Variants in SQOR observed in about 807,000 individuals in gnomAD.
SQOR encodes the protein sulfide:quinone oxidoreductase, mitochondrial.
In SQOR, 39 loss-of-function variants were observed where a neutral mutation model predicts 48.6. That is an observed-to-expected ratio of 0.80 (90% CI 0.62 to 1.05). The LOEUF (loss-of-function observed/expected upper bound fraction) is 1.05. Among genes scored for constraint, SQOR ranks in the 50% least tolerant of loss-of-function variants. SQOR has a pLI of 0.00. For missense variants in SQOR, 561 were observed against 559.9 expected, an observed-to-expected ratio of 1.00 and a Z score of -0.02; for synonymous variants, 220 against 206.2, an observed-to-expected ratio of 1.07 and a Z score of -0.57.
At chr15:45,671,674 G>C (rs1889946702) in intron 4 of SQOR, among the ~76,000 whole-genome samples, 1 of 152,206 alleles carries the variant, frequency 6.6e-6, no homozygotes, top group African/African-American at 2.4e-5. Context: ...GAACACTAGG[G>C]CAAGGATGTA....
At chr15:45,687,008 A>G (rs1350881605) in intron 7 of SQOR, among the ~76,000 whole-genome samples, 4 of 152,002 alleles carry the variant, frequency 2.6e-5, no homozygotes, top group Non-Finnish European at 5.9e-5. Flanking sequence ...AGGTTTCACC[A>G]TGTTGGCCAG....
chr15:45,688,434 CAAT>C (rs1566924869), intron 8 of SQOR, 30 bp downstream of exon 8: 1 of 1,465,886 alleles, frequency 6.8e-7, no homozygotes, highest in Non-Finnish European at 9.4e-7. Context: ...ATCACTGTCT[CAAT>C]GATCATCTTC....
intron 1 of SQOR, among the ~76,000 whole-genome samples, chr15:45,647,916 T>C (rs1889375084): frequency 6.6e-6 from 1 of 152,096 alleles, no homozygotes; most frequent in Non-Finnish European, 1.5e-5. Flanking sequence ...AGAGCAAGAC[T>C]GTCTCAAAAA....
chr15:45,658,820 C>T (rs144877726), intron 1 of SQOR, 87 bp from the exon 2 acceptor site: 38 of 1,082,894 alleles, frequency 3.5e-5, no homozygotes, highest in Middle Eastern at 3.2e-4. Context: ...GGCCAGATGC[C>T]GGCCTCCCTT....
chr15:45,651,378 G>A (rs1039576374), intron 1 of SQOR, among the ~76,000 whole-genome samples: 24 of 152,226 alleles, frequency 1.6e-4, no homozygotes, highest in Non-Finnish European at 3.1e-4. Context: ...GTTCCCGCCC[G>A]CGCCTCTCCC....
At chr15:45,661,639 A>T (rs1419902844) in intron 2 of SQOR, among the ~76,000 whole-genome samples, 1 of 152,248 alleles carries the variant, frequency 6.6e-6, no homozygotes, top group Admixed American at 6.5e-5. Flanking sequence ...ATATGTGTGT[A>T]GATATGCACG....
chr15:45,659,882 A>T (rs1171915100), intron 2 of SQOR, among the ~76,000 whole-genome samples: 1 of 152,118 alleles, frequency 6.6e-6, no homozygotes, highest in Non-Finnish European at 1.5e-5. Flanking sequence ...CCCAGTGCCA[A>T]CCTCCTGCCC....
Position 45,663,539 on chromosome 15 carries a change from G to A in SQOR, c.405+1414G>A, listed in dbSNP as rs577678404. Reference sequence around the variant, plus strand: ...CCAACACCTTGGGAGGCTGAGGTAGGAAGATCACTTGAGCCCATGAGGTCA... The same window carrying A: ...CCAACACCTTGGGAGGCTGAGGTAGAAAGATCACTTGAGCCCATGAGGTCA... On this transcript the variant is annotated intron_variant, in intron 3 of 9. Transcript: ENST00000260324. Among the ~76,000 whole-genome samples the A allele has an allele frequency of 1.6e-4, 24 of 152,190 alleles. No individual in the cohort carries two copies. The South Asian group carries it at 1.9e-3, about 12-fold the overall frequency.
intron 3 of SQOR, among the ~76,000 whole-genome samples, chr15:45,664,868 C>G (rs1889786070): frequency 6.6e-6 from 1 of 152,048 alleles, no homozygotes; most frequent in Non-Finnish European, 1.5e-5. Context: ...GGCTTTTGTC[C>G]TGTTACTAGT....
chr15:45,688,007 A>G (rs1890252561), intron 7 of SQOR, among the ~76,000 whole-genome samples: 1 of 152,206 alleles, frequency 6.6e-6, no homozygotes, highest in Non-Finnish European at 1.5e-5. Flanking sequence ...ATGGTCAAGA[A>G]CACTGACTAA....
upstream of SQOR, among the ~76,000 whole-genome samples, chr15:45,634,503 C>A (rs1894960218): frequency 1.3e-5 from 2 of 152,004 alleles, no homozygotes; most frequent in African/African-American, 4.8e-5. Flanking sequence ...GCCAGCTTAC[C>A]CCTGCCTGCG....
At chr15:45,680,083 T>C (rs1471512682) in intron 6 of SQOR, among the ~76,000 whole-genome samples, 1 of 152,134 alleles carries the variant, frequency 6.6e-6, no homozygotes, top group Non-Finnish European at 1.5e-5. Context: ...TTGTTTGTTT[T>C]TTTCTTTCTT....
chr15:45,672,685 A>T (rs922342305), intron 4 of SQOR, among the ~76,000 whole-genome samples: 5 of 152,192 alleles, frequency 3.3e-5, no homozygotes, highest in African/African-American at 9.7e-5. Context: ...AGTCTGTGAC[A>T]TCTTCATTGC....
chr15:45,657,200 G>T (rs1445385535), intron 1 of SQOR, among the ~76,000 whole-genome samples: 2 of 151,606 alleles, frequency 1.3e-5, no homozygotes, highest in Non-Finnish European at 2.9e-5. Flanking sequence ...TTTGATATTT[G>T]CATTGCTCTC....
intron 2 of SQOR, among the ~76,000 whole-genome samples, chr15:45,661,290 T>TAAAAAAAA (rs34286267): frequency 3.0e-5 from 2 of 67,530 alleles, no homozygotes; most frequent in Non-Finnish European, 5.5e-5. Flanking sequence ...GACTCTGTCT[T>TAAAAAAAA]AAAAAAAAAA....
rs528695392 is a variant in SQOR at position 45,642,321 on chromosome 15, T to A, written c.-18+7213T>A. Among the ~76,000 whole-genome samples the A allele has an allele frequency of 3.0e-3, 462 of 152,292 alleles. 5 individuals are homozygous for A. Among genetic ancestry groups the A allele is most frequent in the Non-Finnish European group, 4.0e-3 (272 of 68,018 alleles). ...CCTTGTGCATGGTGGAGAAGACCAATGACTGCTCAGCTCCAGCCAAGAGTT... is the reference window on the plus strand; with the variant it reads ...CCTTGTGCATGGTGGAGAAGACCAAAGACTGCTCAGCTCCAGCCAAGAGTT... On this transcript the variant is annotated intron_variant, in intron 1 of 9. Coordinates refer to ENST00000260324, the MANE Select transcript of SQOR (RefSeq NM_021199.4).
chr15:45,672,082 A>G (rs1445880357), intron 4 of SQOR, among the ~76,000 whole-genome samples: 1 of 152,214 alleles, frequency 6.6e-6, no homozygotes, highest in Non-Finnish European at 1.5e-5. Flanking sequence ...CAGCTTCTTA[A>G]AACTAGAGAA....
intron 1 of SQOR, among the ~76,000 whole-genome samples, chr15:45,655,513 TTGAG>T (rs1426114753): frequency 1.3e-5 from 2 of 152,186 alleles, no homozygotes; most frequent in Non-Finnish European, 2.9e-5. Context: ...AAAAATCTAT[TTGAG>T]TAATTTTTAA....
upstream of SQOR, among the ~76,000 whole-genome samples, chr15:45,634,485 G>T (rs8040706): frequency 0.12 from 18,718 of 151,890 alleles, 1,368 homozygotes; most frequent in Admixed American, 0.21. Flanking sequence ...GGAGGCCAGT[G>T]GCTGGAAGCC....
Sources: allele counts gnomAD v4.1 joint callset (sites outside exome capture counted in the v4.1 genomes callset), GRCh38; gene constraint gnomAD v4.1.1; transcripts MANE v1.5; gene names NCBI Gene and HGNC (gene_info 2026-07-23, HGNC 2026-07-21).